The following CNPY2 variants were observed in gnomAD, a reference collection of about 807,000 sequenced individuals.
CNPY2 encodes canopy FGF signaling regulator 2, also known as protein canopy homolog 2.
A neutral mutation model predicts 25.5 loss-of-function variants in CNPY2; 19 were observed. That is an observed-to-expected ratio of 0.74 (90% CI 0.52 to 1.09). The LOEUF is 1.09. Among genes scored for constraint, CNPY2 ranks in the 50% least tolerant of loss-of-function variants. The probability of loss-of-function intolerance (pLI) is 0.00; values close to 1 mark genes in which losing one functional copy is unlikely to be tolerated. For missense variants in CNPY2, 214 were observed against 233.6 expected, an observed-to-expected ratio of 0.92 and a Z score of 0.55; for synonymous variants, 82 against 85.0, an observed-to-expected ratio of 0.96 and a Z score of 0.19.
In CNPY2 at chr12:56,309,946, C is replaced by T; in HGVS notation, c.*606G>A. 1 of 702,356 alleles carries T rather than the reference C, an allele frequency of 1.4e-6. No individual in the cohort carries two copies. The highest frequency in any genetic ancestry group is 2.6e-6 in the Non-Finnish European group (1 of 384,826). 43.5% of individuals were successfully genotyped at this position (702,356 alleles called of 1,614,324 possible). ...ACAACCTTCCTTACCTCGTCTGTCC[C>T]TATCCGATAAAGCCCTTACTTTTCA... On this transcript the variant is annotated 3_prime_UTR_variant, in exon 6 of 6. Coordinates refer to ENST00000273308, the MANE Select transcript of CNPY2 (RefSeq NM_014255.7).
rs1003831638 is a variant in CNPY2, at chr12:56,315,184, C to A, written c.34G>T (p.Gly12Trp). The A allele has an allele frequency of 1.2e-6, 2 of 1,614,000 alleles. No individual in the cohort carries two copies. The highest frequency in any genetic ancestry group is 2.2e-5 in the South Asian group (2 of 91,088). ...GCCCAGGCGGTTCCCAGCAGGGCCC[C>A]CAGAAGCAGGGCCAGCCAACCCCAG... ...KGWGWLALLL[G>W]ALLGTAWARR... Residue 12 changes from glycine (G) to tryptophan (W), a missense_variant, in exon 2 of 6, where the codon GGG (glycine) becomes TGG (tryptophan). Coordinates refer to ENST00000273308, the MANE Select transcript of CNPY2 (RefSeq NM_014255.7).
rs1474957276 is a variant in CNPY2 at position 56,311,545 on chromosome 12, G to GT, written c.205-132dup. 23 of 952,678 alleles carry GT rather than the reference G, an allele frequency of 2.4e-5. No homozygotes were observed. The African/African-American group carries it at 3.7e-4, about 16-fold the overall frequency. The allele number at this position is 952,678 out of a possible 1,614,324, so 59.0% of individuals were successfully genotyped here. ...AGCTTTCCCTAATTGATTTTAATTA[G>GT]TTTTGTTTGTTTGTTTGTTTTTTGA... On this transcript the variant is annotated intron_variant, in intron 3 of 5. Transcript: ENST00000273308.
chr12:56,315,706 T>A (rs1873903874), intron 1 of CNPY2, 115 bp downstream of exon 1: 2 of 165,500 alleles, frequency 1.2e-5, no homozygotes, highest in African/African-American at 4.8e-5. Context: ...CTCCAGCCCG[T>A]AAGTGATTAC....
In CNPY2 at chr12:56,309,945, C is replaced by A; in HGVS notation, c.*607G>T. 1 of 702,332 alleles carries A rather than the reference C, an allele frequency of 1.4e-6. No homozygotes were observed. Among genetic ancestry groups the A allele is most frequent in the South Asian group, 1.5e-5 (1 of 67,586 alleles). The allele number at this position is 702,332 out of a possible 1,614,324, so 43.5% of individuals were successfully genotyped here. On this transcript the variant is annotated 3_prime_UTR_variant, in exon 6 of 6. Transcript: ENST00000273308. ...AACAACCTTCCTTACCTCGTCTGTC[C>A]CTATCCGATAAAGCCCTTACTTTTC...
intron 1 of CNPY2, 80 bp from the exon 2 acceptor site, chr12:56,315,322 G>A: frequency 1.3e-6 from 1 of 746,226 alleles, no homozygotes; most frequent in Non-Finnish European, 2.2e-6. Context: ...TCACCCCAAG[G>A]CTTTCAAAGG....
intron 3 of CNPY2, chr12:56,312,065 G>A (rs1459863355): frequency 6.5e-6 from 1 of 152,702 alleles, no homozygotes; most frequent in Admixed American, 6.6e-5. Flanking sequence ...ATTTTTAGTA[G>A]AGACGGGTTT....
intron 3 of CNPY2, chr12:56,314,577 C>T: frequency 7.6e-7 from 1 of 1,323,000 alleles, no homozygotes; most frequent in Non-Finnish European, 9.7e-7. Context: ...CACAGTGCTA[C>T]ATTAAAAACC....
At chr12:56,311,514 C>A (rs1873716401) in intron 3 of CNPY2, 100 bp from the exon 4 acceptor site, 1 of 1,171,218 alleles carries the variant, frequency 8.5e-7, no homozygotes, top group African/African-American at 1.5e-5. Flanking sequence ...ACAACCTATT[C>A]TAAAAAGCTT....
intron 3 of CNPY2, among the ~76,000 whole-genome samples, chr12:56,313,617 T>G (rs546141743): frequency 1.3e-5 from 2 of 151,858 alleles, no homozygotes; most frequent in African/African-American, 4.8e-5. Context: ...TTTTCTTTTT[T>G]TTTTTTTGAG....
In CNPY2 at chr12:56,314,939, T is replaced by A. The variant is rs766217104; in HGVS notation, c.116A>T (p.Glu39Val). The A allele has an allele frequency of 1.2e-6, 2 of 1,614,038 alleles. No individual in the cohort carries two copies. Among genetic ancestry groups the A allele is most frequent in the Non-Finnish European group, 1.7e-6 (2 of 1,180,006 alleles). The change falls in exon 3 of 6, where the codon GAA becomes GTA. Residue 39 changes from glutamate (E) to valine (V), a missense_variant. By Grantham distance (121) the Glu-to-Val change is moderately radical. Transcript: ENST00000273308. ...GACRALVDEL[E>V]WEIAQVDPKK... is the part of the protein sequence containing the mutation. Reference sequence around the variant, plus strand: ...GGGGTCCACCTGGGCAATTTCCCATTCTAGTTCATCCACCAGAGCCCTGCA... The same window carrying A: ...GGGGTCCACCTGGGCAATTTCCCATACTAGTTCATCCACCAGAGCCCTGCA...
At chr12:56,315,470 G>C (rs976644241) in intron 1 of CNPY2, among the ~76,000 whole-genome samples, 1 of 152,252 alleles carries the variant, frequency 6.6e-6, no homozygotes, top group Admixed American at 6.5e-5. Context: ...CTCAGCCCCA[G>C]ACTCTACGTG....
At chr12:56,311,435 G>A (rs958379874) in intron 3 of CNPY2, 21 bp from the exon 4 acceptor site, 4 of 1,611,786 alleles carry the variant, frequency 2.5e-6, no homozygotes, top group Non-Finnish European at 3.4e-6. Flanking sequence ...CCTCAGCCTT[G>A]GGTCACTCTC....
At chr12:56,311,770 T>C in intron 3 of CNPY2, 1 of 346,754 alleles carries the variant, frequency 2.9e-6, no homozygotes, top group Non-Finnish European at 5.6e-6. Context: ...CGGGCTGGTC[T>C]CAAACTCCAG....
intron 1 of CNPY2, 28 bp from the exon 2 acceptor site, chr12:56,315,270 G>A (rs2135938290): frequency 1.4e-6 from 2 of 1,410,428 alleles, no homozygotes; most frequent in Non-Finnish European, 9.9e-7. Context: ...TAAAACATAA[G>A]TGTGAGGAGC....
chr12:56,313,821 T>G (rs1873793882), intron 3 of CNPY2, among the ~76,000 whole-genome samples: 1 of 150,960 alleles, frequency 6.6e-6, no homozygotes, highest in Admixed American at 6.6e-5. Context: ...TTAGCCAGGA[T>G]GGTTTCGATC....
intron 5 of CNPY2, 23 bp downstream of exon 5, chr12:56,310,935 G>C (rs371910322): frequency 1.9e-6 from 3 of 1,602,992 alleles, no homozygotes; most frequent in Admixed American, 3.3e-5. Flanking sequence ...ACTAGAACAG[G>C]AGATAAAGTG....
At position 56,315,231 on chromosome 12, in the gene CNPY2, G is replaced by A. The variant is rs528694879; in HGVS notation, c.-14C>T. ...CCAGCCTTTCATCTTTAGCGTAATG[G>A]GGTCGCTCCACCTGGGTTTGAGTGG... On this transcript the variant is annotated 5_prime_UTR_variant, in exon 2 of 6. Transcript: ENST00000273308. 6.8e-6 allele frequency: 11 copies of A among 1,608,498 alleles called. No homozygotes were observed. The highest frequency in any genetic ancestry group is 9.4e-6 in the Non-Finnish European group (11 of 1,175,338).
chr12:56,310,451 TTTCAG>T lies in CNPY2; in HGVS notation c.*96_*100del. 7 of 1,220,422 alleles carry T rather than the reference TTTCAG, an allele frequency of 5.7e-6. No homozygotes were observed. In the South Asian group the frequency reaches 8.8e-5, roughly 15 times the overall value. 75.6% of individuals were successfully genotyped at this position (1,220,422 alleles called of 1,614,324 possible). A position where few individuals can be genotyped will look rare whatever the true frequency, so the allele number is the denominator to read the frequency against. On this transcript the variant is annotated 3_prime_UTR_variant, in exon 6 of 6. Coordinates refer to ENST00000273308, the MANE Select transcript of CNPY2 (RefSeq NM_014255.7). ...AGTTTGTACTTTTGGTTTCATATTT[TTTCAG>T]TTAATTTCAGTAAAAACATAATATA...
intron 1 of CNPY2, 107 bp from the exon 2 acceptor site, chr12:56,315,349 G>A: frequency 1.5e-6 from 1 of 648,550 alleles, no homozygotes; most frequent in Non-Finnish European, 2.7e-6. Flanking sequence ...TGTGACTCTG[G>A]CTCTACTTTC....
Sources: allele counts gnomAD v4.1 joint callset (sites outside exome capture counted in the v4.1 genomes callset), GRCh38; gene constraint gnomAD v4.1.1; transcripts MANE v1.5; gene names NCBI Gene and HGNC (gene_info 2026-07-23, HGNC 2026-07-21).